ZNF385D: variants seen among roughly 807,000 people sequenced by gnomAD.
ZNF385D encodes zinc finger protein 659.
ZNF385D carries 15 observed loss-of-function variants against 35.8 expected under a neutral mutation model. The observed-to-expected ratio is 0.42, with a 90% CI of 0.28 to 0.64. The LOEUF (loss-of-function observed/expected upper bound fraction) is 0.64. Among genes scored for constraint, ZNF385D ranks in the 30% least tolerant of loss-of-function variants. The pLI is 0.23. For synonymous variants in ZNF385D, 212 were observed against 186.8 expected (o/e 1.13, Z -1.10); for missense variants, 474 against 494.6 (o/e 0.96, Z 0.39).
chr3:21,511,624 A>C (rs540730931), intron 3 of ZNF385D: 29 of 450,336 alleles, frequency 6.4e-5, no homozygotes, highest in Non-Finnish European at 8.9e-5. Flanking sequence ...CTTCTTACCA[A>C]GGGTAGTCTG....
intron 4 of ZNF385D, among the ~76,000 whole-genome samples, chr3:21,471,841 AATT>A (rs1201183260): frequency 2.6e-5 from 4 of 152,132 alleles, no homozygotes; most frequent in Admixed American, 1.3e-4. Context: ...AAAGAAAATC[AATT>A]ATTATTTGCT....
intron 3 of ZNF385D, among the ~76,000 whole-genome samples, chr3:21,530,311 C>A (rs1488085495): frequency 6.6e-6 from 1 of 152,212 alleles, no homozygotes; most frequent in Admixed American, 6.5e-5. Context: ...AGTAACACAA[C>A]AAGCTCTTCT....
At chr3:22,322,363 G>A (rs1038243192) in intron 2 of ZNF385D, among the ~76,000 whole-genome samples, 1 of 152,084 alleles carries the variant, frequency 6.6e-6, no homozygotes, top group South Asian at 2.1e-4. Context: ...GCTGGATATA[G>A]TAATATTCTA....
intron 3 of ZNF385D, among the ~76,000 whole-genome samples, chr3:21,928,259 AAGGAAGGAAGGAAGGAAGAG>A (rs1700834106): frequency 2.3e-5 from 2 of 85,908 alleles, no homozygotes; most frequent in Non-Finnish European, 4.8e-5. Flanking sequence ...AGGAAGGAAG[AAGGAAGGAAGGAAGGAAGAG>A]AGGAAGGAAG....
chr3:22,317,641 C>G (rs1038010200), intron 2 of ZNF385D, among the ~76,000 whole-genome samples: 2 of 152,202 alleles, frequency 1.3e-5, no homozygotes, highest in African/African-American at 4.8e-5. Context: ...CCCCTCCTCC[C>G]CTAGGAATAA....
intron 1 of ZNF385D, among the ~76,000 whole-genome samples, chr3:21,735,182 T>C (rs2069188759): frequency 6.6e-6 from 1 of 152,166 alleles, no homozygotes; most frequent in African/African-American, 2.4e-5. Context: ...TCCTCCACAC[T>C]CTATATGACA....
In ZNF385D at chr3:21,602,517, C is replaced by CTTTTTTCT. The variant is rs2064334001; in HGVS notation, c.166-37834_166-37833insAGAAAAAA. On this transcript the variant is annotated intron_variant, in intron 2 of 7. Coordinates refer to ENST00000281523, the MANE Select transcript of ZNF385D (RefSeq NM_024697.3). The stretch of plus-strand genomic sequence containing the variant: ...TAGGTCTCCTGTTTCCCTGCATTTT[C>CTTTTTTCT]TTTTTTTTTTTTTTTTTTTTTTTTT... Among the ~76,000 whole-genome samples, 5 of 62,718 alleles carry CTTTTTTCT rather than the reference C, an allele frequency of 8.0e-5. No homozygotes were observed. In the South Asian group the frequency reaches 2.4e-3, roughly 30 times the overall value. 41.1% of individuals were successfully genotyped at this position (62,718 alleles called of 152,430 possible).
intron 2 of ZNF385D, among the ~76,000 whole-genome samples, chr3:22,220,404 C>G (rs1372060677): frequency 6.6e-6 from 1 of 150,592 alleles, no homozygotes; most frequent in Non-Finnish European, 1.5e-5. Context: ...TCTCCAATTT[C>G]AATCAGAACT....
At chr3:21,923,375 T>A (rs1700572056) in intron 3 of ZNF385D, among the ~76,000 whole-genome samples, 1 of 152,134 alleles carries the variant, frequency 6.6e-6, no homozygotes. Context: ...CTGGAGAGGC[T>A]GGAAAGAAAA....
intron 3 of ZNF385D, among the ~76,000 whole-genome samples, chr3:22,019,581 C>T (rs916765225): frequency 4.6e-5 from 7 of 151,656 alleles, no homozygotes; most frequent in Admixed American, 3.3e-4. Flanking sequence ...TTAAAAAATC[C>T]TTTTATTTGT....
intron 2 of ZNF385D, among the ~76,000 whole-genome samples, chr3:21,622,079 C>T (rs574740372): frequency 6.6e-6 from 1 of 152,026 alleles, no homozygotes; most frequent in Non-Finnish European, 1.5e-5. Context: ...ATTTCTTTTA[C>T]AGGAGGGACC....
intron 3 of ZNF385D, among the ~76,000 whole-genome samples, chr3:22,094,401 T>TATATATATATATAA (rs1701504766): frequency 6.9e-6 from 1 of 144,586 alleles, no homozygotes; most frequent in Non-Finnish European, 1.5e-5. Context: ...TATATATATA[T>TATATATATATATAA]ATATATATAA....
At chr3:22,138,991 T>C (rs1243526778) in intron 3 of ZNF385D, among the ~76,000 whole-genome samples, 1 of 151,922 alleles carries the variant, frequency 6.6e-6, no homozygotes, top group Non-Finnish European at 1.5e-5. Flanking sequence ...AACAACCCCA[T>C]CAAAAAGTGG....
intron 2 of ZNF385D, among the ~76,000 whole-genome samples, chr3:22,349,189 C>A (rs1411339480): frequency 6.6e-6 from 1 of 152,132 alleles, no homozygotes; most frequent in Admixed American, 6.5e-5. Flanking sequence ...CTGGCACTCA[C>A]TAAATGCTTT....
At chr3:21,695,779 TA>T (rs2067451421) in intron 1 of ZNF385D, among the ~76,000 whole-genome samples, 1 of 151,494 alleles carries the variant, frequency 6.6e-6, no homozygotes, top group South Asian at 2.1e-4. Flanking sequence ...ATAAAGTTAA[TA>T]AACATATTTC....
Position 21,991,148 on chromosome 3 carries a change from G to C in ZNF385D, c.325+177669C>G, listed in dbSNP as rs143310212. ...ACGGTGAGGGAGACTTTCCTTTGCTGTCAGTGTTTTATGCATGTGTTTGGT... is the reference window on the plus strand; with the variant it reads ...ACGGTGAGGGAGACTTTCCTTTGCTCTCAGTGTTTTATGCATGTGTTTGGT... On this transcript the variant is annotated intron_variant, in intron 3 of 5. Coordinates refer to the ZNF385D transcript ENST00000494108. Among the ~76,000 whole-genome samples the C allele has an allele frequency of 1.8e-3, 269 of 152,258 alleles. 2 individuals carry two copies. Among genetic ancestry groups the C allele is most frequent in the African/African-American group, 6.2e-3 (258 of 41,548 alleles).
intron 2 of ZNF385D, among the ~76,000 whole-genome samples, chr3:22,273,634 C>T (rs1199337818): frequency 6.6e-6 from 1 of 151,824 alleles, no homozygotes; most frequent in African/African-American, 2.4e-5. Flanking sequence ...AATCATGATT[C>T]TCATACAGAT....
intron 2 of ZNF385D, among the ~76,000 whole-genome samples, chr3:22,330,577 A>G (rs951693349): frequency 6.6e-6 from 1 of 152,112 alleles, no homozygotes; most frequent in Non-Finnish European, 1.5e-5. Flanking sequence ...GTCTGCTGTG[A>G]TATGACAGAT....
chr3:22,311,041 T>C (rs868656726), intron 2 of ZNF385D, among the ~76,000 whole-genome samples: 1 of 151,876 alleles, frequency 6.6e-6, no homozygotes, highest in African/African-American at 2.4e-5. Context: ...GAAGGTTGAA[T>C]TGAATAAGGA....
Sources: gnomAD v4.1 joint callset for allele counts (sites outside exome capture counted in the v4.1 genomes callset) on GRCh38, gnomAD v4.1.1 for gene constraint, MANE v1.5 for transcripts, NCBI Gene and HGNC (gene_info 2026-07-23, HGNC 2026-07-21) for gene names.